Variants in FOXP2 observed in about 807,000 individuals in gnomAD.
FOXP2 encodes forkhead box protein P2.
In FOXP2, 12 loss-of-function variants were observed where a neutral mutation model predicts 115.8. That is an observed-to-expected ratio of 0.10 (90% CI 0.07 to 0.17). FOXP2 has a LOEUF of 0.17. Ranked by LOEUF, FOXP2 falls within the 10% of genes least tolerant of loss-of-function variation. The pLI is 1.00. For synonymous variants in FOXP2, 328 were observed against 297.7 expected (o/e 1.10, Z -1.05); for missense variants, 629 against 843.5 (o/e 0.75, Z 3.15).
At chr7:114,653,475 G>T in intron 9 of FOXP2, 1 of 244,396 alleles carries the variant, frequency 4.1e-6, no homozygotes, top group Non-Finnish European at 8.2e-6. Flanking sequence ...GATTGCAGGG[G>T]GCACTAACTG....
At chr7:114,667,445 G>A (rs1450803265) in intron 16 of FOXP2, 1 of 151,878 alleles carries the variant, frequency 6.6e-6, no homozygotes, top group Non-Finnish European at 1.5e-5. Context: ...AAAATAAAAA[G>A]TGAAACAATA....
intron 2 of FOXP2, among the ~76,000 whole-genome samples, chr7:114,449,137 C>CTA (rs897494885): frequency 4.0e-5 from 6 of 151,680 alleles, no homozygotes; most frequent in African/African-American, 1.5e-4. Flanking sequence ...ACATTTAGAA[C>CTA]TATATATATG....
chr7:114,556,896 A>G (rs142255263), intron 3 of FOXP2, among the ~76,000 whole-genome samples: 3 of 152,346 alleles, frequency 2.0e-5, no homozygotes, highest in African/African-American at 4.8e-5. Flanking sequence ...TAGTAACTTT[A>G]AAGATCTTTT....
chr7:114,590,678 T>G (rs923089542), intron 3 of FOXP2, among the ~76,000 whole-genome samples: 5 of 152,162 alleles, frequency 3.3e-5, no homozygotes, highest in African/African-American at 4.8e-5. Context: ...CATTTCACAA[T>G]AAAATTCTGT....
intron 2 of FOXP2, among the ~76,000 whole-genome samples, chr7:114,343,504 C>T (rs945876973): frequency 6.6e-6 from 1 of 151,532 alleles, no homozygotes; most frequent in Non-Finnish European, 1.5e-5. Context: ...CTATTAAATT[C>T]TCTACTTCCT....
chr7:114,172,670 T>A (rs1276805388), intron 1 of FOXP2, among the ~76,000 whole-genome samples: 1 of 152,114 alleles, frequency 6.6e-6, no homozygotes, highest in East Asian at 1.9e-4. Flanking sequence ...TAGGAGTACT[T>A]TAAAGTCTAT....
At chr7:114,676,876 T>C (rs566573466) in intron 16 of FOXP2, among the ~76,000 whole-genome samples, 6 of 152,290 alleles carry the variant, frequency 3.9e-5, no homozygotes, top group African/African-American at 1.4e-4. Context: ...TTGCTGGAAA[T>C]TGCCCATATT....
chr7:114,304,741 C>A (rs34658162), intron 2 of FOXP2, among the ~76,000 whole-genome samples: 1,686 of 142,912 alleles, frequency 0.012, 19 homozygotes, highest in Middle Eastern at 0.036. Context: ...CAGATGATTT[C>A]TTTCTCTATA....
chr7:114,534,465 T>G (rs886345058), intron 2 of FOXP2, 152 bp from the exon 3 acceptor site: 4 of 700,696 alleles, frequency 5.7e-6, no homozygotes, highest in South Asian at 5.0e-5. Context: ...GTTTGGCAAT[T>G]TTTTTCATAT....
At chr7:114,188,166 TCTA>T (rs1450131672) in intron 1 of FOXP2, among the ~76,000 whole-genome samples, 55 of 152,332 alleles carry the variant, frequency 3.6e-4, no homozygotes, top group African/African-American at 1.3e-3. Context: ...GTCATGGTGC[TCTA>T]CTAAAAGTGT....
intron 2 of FOXP2, among the ~76,000 whole-genome samples, chr7:114,310,907 G>A (rs1173179934): frequency 6.6e-6 from 1 of 152,202 alleles, no homozygotes; most frequent in Non-Finnish European, 1.5e-5. Flanking sequence ...GAGAGATCAA[G>A]TGTGCAGCTC....
intron 2 of FOXP2, among the ~76,000 whole-genome samples, chr7:114,308,157 CATCTTTT>C (rs1382806304): frequency 6.6e-6 from 1 of 152,116 alleles, no homozygotes; most frequent in African/African-American, 2.4e-5. Context: ...GTTTCATCTC[CATCTTTT>C]ATCTTAAAGG....
chr7:114,106,358 C>CTTTTTTTTTTT (rs199504822), intron 1 of FOXP2, among the ~76,000 whole-genome samples: 1 of 141,910 alleles, frequency 7.0e-6, no homozygotes, highest in Non-Finnish European at 1.5e-5. Context: ...CTGTCCCCTC[C>CTTTTTTTTTTT]TTTTTTTTTT....
intron 2 of FOXP2, among the ~76,000 whole-genome samples, chr7:114,500,245 G>A (rs920672701): frequency 1.3e-4 from 19 of 149,384 alleles, no homozygotes; most frequent in African/African-American, 4.7e-4. Context: ...AGAATGTAAC[G>A]TCAATAAAGA....
Position 114,228,703 on chromosome 7 carries a change from T to C in FOXP2, c.-101-59316T>C, listed in dbSNP as rs1794800427. Among the ~76,000 whole-genome samples the C allele has an allele frequency of 1.3e-5, 2 of 151,748 alleles. 1 individual carries two copies. The highest frequency in any genetic ancestry group is 4.1e-4 in the South Asian group (2 of 4,822). ...ATCAGCTTAAGAGATTGTTATAAGATGTTGCATGTAAACTCCATGGTAACC... is the reference window on the plus strand; with the variant it reads ...ATCAGCTTAAGAGATTGTTATAAGACGTTGCATGTAAACTCCATGGTAACC... On this transcript the variant is annotated intron_variant, in intron 1 of 17. Transcript: ENST00000634411.
chr7:114,407,636 GA>G (rs943433614), intron 2 of FOXP2, among the ~76,000 whole-genome samples: 5 of 151,292 alleles, frequency 3.3e-5, no homozygotes, highest in Non-Finnish European at 7.4e-5. Flanking sequence ...CAGAGAACAA[GA>G]AAAAAAAGGA....
At chr7:114,255,668 C>T (rs1795591641) in intron 1 of FOXP2, among the ~76,000 whole-genome samples, 2 of 152,110 alleles carry the variant, frequency 1.3e-5, no homozygotes, top group African/African-American at 4.8e-5. Context: ...TGGGAGTGAC[C>T]CAATTTTCCA....
chr7:114,619,748 G>T (rs1804143302), intron 3 of FOXP2, among the ~76,000 whole-genome samples: 1 of 151,890 alleles, frequency 6.6e-6, no homozygotes, highest in African/African-American at 2.4e-5. Context: ...GAATAAACTG[G>T]CTGTGAAAGT....
intron 2 of FOXP2, among the ~76,000 whole-genome samples, chr7:114,356,825 G>A (rs540777295): frequency 1.2e-4 from 18 of 152,144 alleles, no homozygotes; most frequent in African/African-American, 3.9e-4. Context: ...TTATATTTCC[G>A]GATTGAATGA....
Sources: gnomAD v4.1 joint callset for allele counts (sites outside exome capture counted in the v4.1 genomes callset) on GRCh38, gnomAD v4.1.1 for gene constraint, MANE v1.5 for transcripts, NCBI Gene and HGNC (gene_info 2026-07-23, HGNC 2026-07-21) for gene names.